The following EHMT1 variants were observed in gnomAD, a reference collection of about 807,000 sequenced individuals.
The protein encoded by EHMT1 is euchromatic histone lysine methyltransferase 1.
A neutral mutation model predicts 147.2 loss-of-function variants in EHMT1; 15 were observed. The ratio of observed to expected loss-of-function variants is 0.10; its 90% CI spans 0.07 to 0.16. The LOEUF (loss-of-function observed/expected upper bound fraction) is 0.16, where lower values mean the gene tolerates loss of function less well. EHMT1 is among the 10% of genes least tolerant of loss of function. The pLI, the probability that EHMT1 is intolerant of heterozygous loss-of-function variation, is 1.00. For synonymous variants in EHMT1, 795 were observed against 709.6 expected (o/e 1.12, Z -1.91); for missense variants, 1,587 against 1,772.4 (o/e 0.90, Z 1.88).
In EHMT1 at chr9:137,778,170, G is replaced by C. The variant is rs537778821; in HGVS notation, c.2192+115G>C. 1.1e-5 allele frequency: 14 copies of C among 1,303,474 alleles called. No individual in the cohort carries two copies. In the Admixed American group the frequency reaches 2.5e-4, roughly 23 times the overall value. The allele number at this position is 1,303,474 out of a possible 1,614,324, so 80.7% of individuals were successfully genotyped here. A position where few individuals can be genotyped will look rare whatever the true frequency, so the allele number is the denominator to read the frequency against. ...CTCAGCTTTTTGATTAATGCTGTTC[G>C]TTAGAATAATTCGTATATTTTCACA... On this transcript the variant is annotated intron_variant, in intron 13 of 26. Transcript: ENST00000460843.
At position 137,835,114 on chromosome 9, in the gene EHMT1, G is replaced by T; in HGVS notation, c.*161G>T. ...GTGAGGCTGCAGCCCCTGCGGGCGG[G>T]TGTGGATGCCTCCCAGCCACCTTCC... On this transcript the variant is annotated 3_prime_UTR_variant, in exon 27 of 27. Coordinates refer to ENST00000460843, the MANE Select transcript of EHMT1 (RefSeq NM_024757.5). The T allele has an allele frequency of 6.0e-6, 5 of 839,808 alleles. No individual in the cohort carries two copies. Among genetic ancestry groups the T allele is most frequent in the Non-Finnish European group, 8.2e-6 (5 of 608,166 alleles). 52.0% of individuals were successfully genotyped at this position (839,808 alleles called of 1,614,324 possible).
chr9:137,678,911 G>T lies in EHMT1; in HGVS notation c.22-32056G>T, dbSNP rs1941664643. On this transcript the variant is annotated intron_variant, in intron 1 of 26. Coordinates refer to ENST00000460843, the MANE Select transcript of EHMT1 (RefSeq NM_024757.5). ...CAGAGTTAGCATGCTACTCAGAGCAGTGTGCAGCTGAAAACTGAGAATTTG... is the reference window on the plus strand; with the variant it reads ...CAGAGTTAGCATGCTACTCAGAGCATTGTGCAGCTGAAAACTGAGAATTTG... 2.0e-5 allele frequency among the ~76,000 whole-genome samples: 3 copies of T among 152,148 alleles called. No homozygotes were observed. In the South Asian group the frequency reaches 6.2e-4, roughly 32 times the overall value.
chr9:137,674,175 C>T (rs1322946930), intron 1 of EHMT1, among the ~76,000 whole-genome samples: 5 of 152,132 alleles, frequency 3.3e-5, no homozygotes, highest in East Asian at 1.9e-4. Context: ...AAACCAGCAC[C>T]GTAACACATG....
chr9:137,640,319 C>T (rs999342682), intron 1 of EHMT1, among the ~76,000 whole-genome samples: 12 of 152,054 alleles, frequency 7.9e-5, no homozygotes, highest in Non-Finnish European at 1.5e-4. Flanking sequence ...CTTGCTGTTA[C>T]CCTGGCTGGA....
At chr9:137,707,288 A>G (rs1483603779) in intron 1 of EHMT1, among the ~76,000 whole-genome samples, 1 of 152,188 alleles carries the variant, frequency 6.6e-6, no homozygotes, top group Non-Finnish European at 1.5e-5. Context: ...CCCCTGGGCT[A>G]CAGAAGCAGC....
intron 16 of EHMT1, among the ~76,000 whole-genome samples, chr9:137,792,612 G>A (rs1291429956): frequency 2.6e-5 from 4 of 152,222 alleles, no homozygotes; most frequent in Non-Finnish European, 5.9e-5. Flanking sequence ...GGCTGAGGCA[G>A]GAGAATCGAT....
chr9:137,672,875 A>G (rs1233239917), intron 1 of EHMT1, among the ~76,000 whole-genome samples: 1 of 152,234 alleles, frequency 6.6e-6, no homozygotes. Context: ...AATCTCTGAC[A>G]TGAGTAGGAA....
intron 1 of EHMT1, among the ~76,000 whole-genome samples, chr9:137,648,698 T>C (rs1845085459): frequency 6.6e-6 from 1 of 152,156 alleles, no homozygotes; most frequent in South Asian, 2.1e-4. Flanking sequence ...ATCATAAACA[T>C]GTTAGTTCTC....
chr9:137,797,647 G>A (rs966734151), intron 16 of EHMT1, among the ~76,000 whole-genome samples: 6 of 152,190 alleles, frequency 3.9e-5, no homozygotes, highest in African/African-American at 1.4e-4. Context: ...CACTAGCCGT[G>A]TGGGAACCGG....
intron 4 of EHMT1, among the ~76,000 whole-genome samples, chr9:137,730,248 G>A (rs919279895): frequency 2.0e-5 from 3 of 152,168 alleles, no homozygotes; most frequent in African/African-American, 7.2e-5. Context: ...AGACCCTAAG[G>A]TGCTGCATGT....
At chr9:137,674,695 C>T (rs1941061235) in intron 1 of EHMT1, among the ~76,000 whole-genome samples, 1 of 152,170 alleles carries the variant, frequency 6.6e-6, no homozygotes, top group South Asian at 2.1e-4. Context: ...ATGCTAGGTG[C>T]CCGGGTTGCA....
At position 137,754,307 on chromosome 9, in the gene EHMT1, G is replaced by T. The variant is rs778642847; in HGVS notation, c.1369+16G>T. On this transcript the variant is annotated intron_variant, in intron 8 of 26. Transcript: ENST00000460843. The stretch of plus-strand genomic sequence containing the variant: ...GGTGCCCTCGGTAAATGCCGTGGGG[G>T]TGTGGGCCATCACGGGGACTGCCTG... 1.2e-6 allele frequency: 2 copies of T among 1,613,712 alleles called. No individual in the cohort carries two copies. The highest frequency in any genetic ancestry group is 1.1e-5 in the South Asian group (1 of 91,074).
intron 25 of EHMT1, chr9:137,832,806 C>T (rs1391211478): frequency 6.6e-6 from 1 of 151,692 alleles, no homozygotes; most frequent in Non-Finnish European, 1.5e-5. Context: ...GGAAGCCCCT[C>T]ACTCTCCATT....
intron 10 of EHMT1, among the ~76,000 whole-genome samples, chr9:137,765,776 G>C (rs1469236268): frequency 2.6e-5 from 4 of 151,560 alleles, no homozygotes; most frequent in African/African-American, 9.7e-5. Context: ...CAGTTTCACT[G>C]TTTAGGTTTG....
At chr9:137,703,681 T>A (rs10867053) in intron 1 of EHMT1, among the ~76,000 whole-genome samples, 27,233 of 151,980 alleles carry the variant, frequency 0.18, 2,697 homozygotes, top group Admixed American at 0.31. Flanking sequence ...TCATTGTCCA[T>A]ATCACTGTCA....
At chr9:137,791,098 A>C (rs1455678140) in intron 16 of EHMT1, 128 bp downstream of exon 16, 1 of 1,486,198 alleles carries the variant, frequency 6.7e-7, no homozygotes, top group African/African-American at 1.4e-5. Context: ...GTTGTCCAGA[A>C]ATAGTTCCTT....
chr9:137,817,228 G>A lies in EHMT1; in HGVS notation c.3375-211G>A, dbSNP rs1268060238. 3 of 635,314 alleles carry A rather than the reference G, an allele frequency of 4.7e-6. No individual in the cohort carries two copies. In the South Asian group the frequency reaches 5.3e-5, roughly 11 times the overall value. 39.4% of individuals were successfully genotyped at this position (635,314 alleles called of 1,614,324 possible). On this transcript the variant is annotated intron_variant, in intron 23 of 26. Coordinates refer to ENST00000460843, the MANE Select transcript of EHMT1 (RefSeq NM_024757.5). The stretch of plus-strand genomic sequence containing the variant: ...GGACCAGTGACTTGCCGAGGTTGTG[G>A]GCTGGGGTGCTCCTGGCTGATCCCC...
intron 1 of EHMT1, among the ~76,000 whole-genome samples, chr9:137,641,998 C>T (rs1038143347): frequency 6.7e-6 from 1 of 150,344 alleles, no homozygotes; most frequent in African/African-American, 2.5e-5. Context: ...CACCACCATG[C>T]CTGGCTAATT....
At chr9:137,666,659 G>T (rs1375394101) in intron 1 of EHMT1, among the ~76,000 whole-genome samples, 1 of 152,220 alleles carries the variant, frequency 6.6e-6, no homozygotes, top group Non-Finnish European at 1.5e-5. Context: ...CAGGAGAGCT[G>T]GGAACAGAGC....
Sources: allele counts gnomAD v4.1 joint callset (sites outside exome capture counted in the v4.1 genomes callset), GRCh38; gene constraint gnomAD v4.1.1; transcripts MANE v1.5; gene names NCBI Gene and HGNC (gene_info 2026-07-23, HGNC 2026-07-21).